The following AGPS variants were observed in gnomAD, a reference collection of about 807,000 sequenced individuals.
AGPS encodes the protein alkylglycerone phosphate synthase.
In AGPS, 26 loss-of-function variants were observed where a neutral mutation model predicts 90.7. The ratio of observed to expected loss-of-function variants is 0.29; its 90% CI spans 0.21 to 0.40. AGPS has a LOEUF of 0.40. Among genes scored for constraint, AGPS ranks in the 10% least tolerant of loss-of-function variants. The pLI, the probability that AGPS is intolerant of heterozygous loss-of-function variation, is 1.00. For synonymous variants in AGPS, 294 were observed against 285.3 expected (o/e 1.03, Z -0.31); for missense variants, 540 against 816.1 (o/e 0.66, Z 4.12).
intron 1 of AGPS, among the ~76,000 whole-genome samples, chr2:177,405,783 C>A (rs946890019): frequency 1.3e-5 from 2 of 151,472 alleles, no homozygotes; most frequent in Non-Finnish European, 2.9e-5. Context: ...ATTTCTTCTG[C>A]ATTTTCTTCC....
chr2:177,506,828 T>TG (rs1688730733), intron 15 of AGPS, among the ~76,000 whole-genome samples: 8 of 152,154 alleles, frequency 5.3e-5, no homozygotes, highest in African/African-American at 1.9e-4. Context: ...CTTCCCATAG[T>TG]AAGCATTTTG....
Position 177,425,347 on chromosome 2 carries a change from G to A in AGPS, c.350+4989G>A, listed in dbSNP as rs143422512. 2.7e-3 allele frequency among the ~76,000 whole-genome samples: 416 copies of A among 152,082 alleles called. 2 individuals carry two copies. The highest frequency in any genetic ancestry group is 9.2e-3 in the African/African-American group (383 of 41,506). ...ATTAAATAGGGAATCCTGGCCGGGC[G>A]CAGTGGCTCACACCCGTAATCCCAG... On this transcript the variant is annotated intron_variant, in intron 2 of 19. Transcript: ENST00000264167.
intron 8 of AGPS, among the ~76,000 whole-genome samples, chr2:177,451,967 G>A (rs1487879166): frequency 1.3e-5 from 2 of 151,038 alleles, no homozygotes; most frequent in Non-Finnish European, 2.9e-5. Flanking sequence ...ATGTTATTTA[G>A]TTCCCAATTA....
intron 19 of AGPS, among the ~76,000 whole-genome samples, chr2:177,537,267 GTT>G (rs1391067844): frequency 3.3e-5 from 5 of 152,044 alleles, no homozygotes; most frequent in African/African-American, 9.7e-5. Context: ...AAAAGGTTAT[GTT>G]TTTCATTGAG....
chr2:177,437,026 G>A lies in AGPS; in HGVS notation c.609G>A (p.Glu203=). 1 of 1,613,524 alleles carries A rather than the reference G, an allele frequency of 6.2e-7. No individual in the cohort carries two copies. Among genetic ancestry groups the A allele is most frequent in the South Asian group, 1.1e-5 (1 of 91,066 alleles). The change falls in exon 5 of 20, where the codon GAG becomes GAA. Residue 203 remains glutamate, a synonymous_variant. Coordinates refer to ENST00000264167, the MANE Select transcript of AGPS (RefSeq NM_003659.4). ...EIFLLREGMF[E]RIPDIVLWPT... ...TTTTGCTCAGGGAAGGAATGTTTGA[G>A]CGAATTCCTGATATAGTTTTATGGC...
intron 1 of AGPS, among the ~76,000 whole-genome samples, chr2:177,401,925 T>G (rs1432775245): frequency 6.6e-6 from 1 of 152,242 alleles, no homozygotes; most frequent in Non-Finnish European, 1.5e-5. Context: ...CTGTTCATTT[T>G]TTCCTTCACA....
intron 1 of AGPS, among the ~76,000 whole-genome samples, chr2:177,401,211 C>G (rs987239551): frequency 1.3e-5 from 2 of 152,188 alleles, no homozygotes; most frequent in African/African-American, 4.8e-5. Context: ...AAACCTAACT[C>G]ATTATCTTCT....
intron 5 of AGPS, among the ~76,000 whole-genome samples, chr2:177,437,851 A>C (rs779395364): frequency 1.1e-4 from 17 of 152,164 alleles, no homozygotes; most frequent in Non-Finnish European, 1.6e-4. Flanking sequence ...ATTATACTTT[A>C]ATGTGGGGGC....
chr2:177,454,020 A>G (rs1325380853), intron 8 of AGPS, among the ~76,000 whole-genome samples: 1 of 87,332 alleles, frequency 1.1e-5, no homozygotes, highest in East Asian at 3.5e-4. Flanking sequence ...TCTTGTTATC[A>G]CTGGTTTGAG....
chr2:177,442,287 T>C, intron 6 of AGPS, 120 bp from the exon 7 acceptor site: 1 of 791,964 alleles, frequency 1.3e-6, no homozygotes, highest in Non-Finnish European at 2.2e-6. Flanking sequence ...TTGCAAAGTA[T>C]TAATAGGTAT....
intron 19 of AGPS, among the ~76,000 whole-genome samples, chr2:177,524,099 T>C (rs2079058486): frequency 6.6e-6 from 1 of 152,122 alleles, no homozygotes; most frequent in South Asian, 2.1e-4. Flanking sequence ...TACTTGACCA[T>C]TACAGCAAAC....
At chr2:177,527,617 C>T (rs927863375) in intron 19 of AGPS, among the ~76,000 whole-genome samples, 3 of 152,032 alleles carry the variant, frequency 2.0e-5, no homozygotes, top group East Asian at 1.9e-4. Context: ...AGGTTCCTAA[C>T]ATGTCAGCAG....
chr2:177,476,800 C>T (rs1687792719), intron 10 of AGPS, among the ~76,000 whole-genome samples: 1 of 152,112 alleles, frequency 6.6e-6, no homozygotes, highest in South Asian at 2.1e-4. Context: ...TTTCTCCCTT[C>T]ATTTCTGTCA....
At chr2:177,495,998 A>C (rs994737162) in intron 12 of AGPS, among the ~76,000 whole-genome samples, 5 of 152,056 alleles carry the variant, frequency 3.3e-5, no homozygotes, top group African/African-American at 9.6e-5. Flanking sequence ...CAACATATTT[A>C]AGAAAAAGTA....
At chr2:177,441,309 G>A (rs1052627988) in intron 6 of AGPS, 19 of 371,926 alleles carry the variant, frequency 5.1e-5, no homozygotes, top group Middle Eastern at 7.8e-4. Flanking sequence ...TTCTGCTTTA[G>A]TAATTACTTT....
At chr2:177,520,492 C>T (rs952391704) in intron 17 of AGPS, among the ~76,000 whole-genome samples, 14 of 152,000 alleles carry the variant, frequency 9.2e-5, no homozygotes, top group Non-Finnish European at 1.5e-5. Context: ...CTAATTTTGC[C>T]TTTTTCAAGG....
At chr2:177,467,458 T>A (rs551342369) in intron 9 of AGPS, among the ~76,000 whole-genome samples, 2 of 152,316 alleles carry the variant, frequency 1.3e-5, no homozygotes, top group Non-Finnish European at 2.9e-5. Flanking sequence ...CTCCTTTAGT[T>A]GATTTGTTGG....
Position 177,490,652 on chromosome 2 carries a change from A to G in AGPS, c.1234-2496A>G, listed in dbSNP as rs1688226321. Among the ~76,000 whole-genome samples the G allele has an allele frequency of 2.6e-5, 4 of 152,146 alleles. No homozygotes were observed. The South Asian group carries it at 8.3e-4, about 31-fold the overall frequency. ...TTGAATATTAGTTGCTATATGATAC[A>G]GCAGTTGCCCAGGAGCTTTCTTGCC... On this transcript the variant is annotated intron_variant, in intron 11 of 19. Coordinates refer to ENST00000264167, the MANE Select transcript of AGPS (RefSeq NM_003659.4).
At chr2:177,435,659 A>G (rs1299265045) in intron 3 of AGPS, among the ~76,000 whole-genome samples, 1 of 152,164 alleles carries the variant, frequency 6.6e-6, no homozygotes, top group Non-Finnish European at 1.5e-5. Flanking sequence ...AGTATTTATT[A>G]TGCAGTATCT....
Sources: gnomAD v4.1 joint callset for allele counts (sites outside exome capture counted in the v4.1 genomes callset) on GRCh38, gnomAD v4.1.1 for gene constraint, MANE v1.5 for transcripts, NCBI Gene and HGNC (gene_info 2026-07-23, HGNC 2026-07-21) for gene names.